The following FRMD4A variants were observed in gnomAD, a reference collection of about 807,000 sequenced individuals.
FRMD4A encodes FERM domain-containing protein 4A.
FRMD4A carries 29 observed loss-of-function variants against 129.1 expected under a neutral mutation model. That is an observed-to-expected ratio of 0.22 (90% confidence interval 0.17 to 0.31). The LOEUF (loss-of-function observed/expected upper bound fraction) is 0.31, where lower values mean the gene tolerates loss of function less well. FRMD4A is among the 10% of genes least tolerant of loss of function. The pLI is 1.00. For missense variants in FRMD4A, 1,272 were observed against 1,375.8 expected, an observed-to-expected ratio of 0.92 and a Z score of 1.19; for synonymous variants, 634 against 571.6, an observed-to-expected ratio of 1.11 and a Z score of -1.56.
chr10:13,989,752 C>G (rs1332724603), intron 2 of FRMD4A, among the ~76,000 whole-genome samples: 2 of 152,180 alleles, frequency 1.3e-5, no homozygotes, highest in Non-Finnish European at 2.9e-5. Context: ...AGACAGAGGG[C>G]AGAGAGATGG....
intron 5 of FRMD4A, among the ~76,000 whole-genome samples, chr10:13,788,647 G>C (rs972606309): frequency 1.3e-5 from 2 of 152,204 alleles, no homozygotes; most frequent in African/African-American, 4.8e-5. Flanking sequence ...TCTAGATGGA[G>C]CGCAGACCTT....
intron 3 of FRMD4A, among the ~76,000 whole-genome samples, chr10:13,824,121 C>T (rs1222141893): frequency 6.6e-6 from 1 of 151,918 alleles, no homozygotes; most frequent in Non-Finnish European, 1.5e-5. Flanking sequence ...TACAGTCAAC[C>T]CTGCATATCC....
chr10:14,130,239 A>T (rs532550775), intron 2 of FRMD4A, among the ~76,000 whole-genome samples: 2 of 152,136 alleles, frequency 1.3e-5, no homozygotes, highest in East Asian at 1.9e-4. Context: ...TTCTTTTTAA[A>T]TTTTTTATTA....
At chr10:14,090,529 G>A (rs1348645805) in intron 2 of FRMD4A, among the ~76,000 whole-genome samples, 1 of 152,200 alleles carries the variant, frequency 6.6e-6, no homozygotes, top group Non-Finnish European at 1.5e-5. Context: ...AGACACAGGT[G>A]AAGGAGCACG....
At chr10:14,263,101 G>A (rs1370694543) in intron 2 of FRMD4A, among the ~76,000 whole-genome samples, 1 of 152,190 alleles carries the variant, frequency 6.6e-6, no homozygotes, top group East Asian at 1.9e-4. Flanking sequence ...GAGGACCCGT[G>A]TGCGATATTC....
chr10:14,145,926 G>C (rs1840052421), intron 2 of FRMD4A, among the ~76,000 whole-genome samples: 1 of 152,140 alleles, frequency 6.6e-6, no homozygotes, highest in South Asian at 2.1e-4. Flanking sequence ...ATGATAATTA[G>C]GACCAGCGGA....
chr10:14,173,039 G>A (rs1245475546), intron 2 of FRMD4A, among the ~76,000 whole-genome samples: 1 of 151,950 alleles, frequency 6.6e-6, no homozygotes, highest in Non-Finnish European at 1.5e-5. Context: ...AAAAAAAAAT[G>A]TTCAATGACA....
intron 2 of FRMD4A, among the ~76,000 whole-genome samples, chr10:14,217,217 C>T (rs140086763): frequency 3.3e-3 from 510 of 152,252 alleles, no homozygotes; most frequent in South Asian, 6.0e-3. Flanking sequence ...AACATCAATC[C>T]CTAGGGAGCC....
intron 2 of FRMD4A, among the ~76,000 whole-genome samples, chr10:13,862,921 TTGTTTTGTTC>T (rs2094313277): frequency 6.7e-6 from 1 of 149,938 alleles, no homozygotes; most frequent in Non-Finnish European, 1.5e-5. Flanking sequence ...CTGCTTTCCC[TTGTTTTGTTC>T]TGTTTTGTTT....
intron 2 of FRMD4A, among the ~76,000 whole-genome samples, chr10:14,038,650 A>G (rs549763544): frequency 6.6e-6 from 1 of 152,296 alleles, no homozygotes; most frequent in Admixed American, 6.5e-5. Flanking sequence ...AAGCTCAGAA[A>G]CTAATCTCAT....
At chr10:13,683,244 A>G (rs1414896977) in intron 15 of FRMD4A, among the ~76,000 whole-genome samples, 2 of 152,094 alleles carry the variant, frequency 1.3e-5, no homozygotes, top group African/African-American at 4.8e-5. Context: ...AACAGCAGAC[A>G]TGCATCCAGT....
intron 2 of FRMD4A, among the ~76,000 whole-genome samples, chr10:14,325,753 G>A (rs1351575986): frequency 6.6e-6 from 1 of 152,180 alleles, no homozygotes; most frequent in Non-Finnish European, 1.5e-5. Flanking sequence ...TTGTTGGTTA[G>A]TTAAAAAGGA....
chr10:13,714,042 A>ATTTTATATATATATATATATATATATTT (rs1365248261), intron 12 of FRMD4A, among the ~76,000 whole-genome samples: 1 of 7,222 alleles, frequency 1.4e-4, no homozygotes, highest in South Asian at 3.7e-3. Context: ...ATATATATAT[A>ATTTTATATATATATATATATATATATTT]TATATATATA....
intron 2 of FRMD4A, among the ~76,000 whole-genome samples, chr10:14,030,753 ACTCTTAGCATCTG>A (rs1833200429): frequency 6.6e-6 from 1 of 151,982 alleles, no homozygotes; most frequent in Non-Finnish European, 1.5e-5. Flanking sequence ...AGAAGACTAC[ACTCTTAGCATCTG>A]CCCTTATTCT....
intron 15 of FRMD4A, among the ~76,000 whole-genome samples, chr10:13,682,493 CTTTCT>C (rs200964471): frequency 3.1e-5 from 3 of 96,304 alleles, no homozygotes; most frequent in Non-Finnish European, 4.8e-5. Flanking sequence ...CATTTTCTTT[CTTTCT>C]TTTTTTTTTT....
rs762876453 is a variant in FRMD4A, at chr10:13,666,225, A to G, written c.1475T>C (p.Leu492Pro). ...ATACGAGGTTTTCCTTTGTTTCTTC[A>G]GTTTTTTGCTGACGTTGGGGTCACT... ...LASDPNVSKK[L>P]KKQRKTSYLN... The change falls in exon 18 of 25, where the codon CTG becomes CCG. Residue 492 changes from leucine to proline, a missense_variant. Physicochemically the swap from Leu to Pro is moderately conservative, Grantham distance 98. Coordinates refer to ENST00000357447, the MANE Select transcript of FRMD4A (RefSeq NM_018027.5). 8.1e-6 allele frequency: 13 copies of G among 1,613,804 alleles called. No homozygotes were observed. The highest frequency in any genetic ancestry group is 1.7e-4 in the Middle Eastern group (1 of 6,060).
chr10:14,102,165 C>A (rs1037248739), intron 2 of FRMD4A, among the ~76,000 whole-genome samples: 1 of 152,124 alleles, frequency 6.6e-6, no homozygotes, highest in Non-Finnish European at 1.5e-5. Context: ...AATGACGGAG[C>A]CTAAGGTTTC....
intron 4 of FRMD4A, among the ~76,000 whole-genome samples, chr10:13,806,559 G>A (rs1307431262): frequency 6.6e-6 from 1 of 152,182 alleles, no homozygotes; most frequent in African/African-American, 2.4e-5. Context: ...CAACGCTGAA[G>A]TAGAATCAGC....
chr10:13,925,373 C>A (rs2095119563), intron 2 of FRMD4A, among the ~76,000 whole-genome samples: 2 of 152,076 alleles, frequency 1.3e-5, no homozygotes, highest in South Asian at 4.1e-4. Context: ...CTTTTGTGTA[C>A]AAAAATTTAA....
Sources: allele counts gnomAD v4.1 joint callset (sites outside exome capture counted in the v4.1 genomes callset), GRCh38; gene constraint gnomAD v4.1.1; transcripts MANE v1.5; gene names NCBI Gene and HGNC (gene_info 2026-07-23, HGNC 2026-07-21).